The following FHOD3 variants were observed in gnomAD, a reference collection of about 807,000 sequenced individuals.
FHOD3 encodes the protein FH1/FH2 domain-containing protein 3.
Under a neutral mutation model 173.0 loss-of-function variants are expected in FHOD3, and 90 were observed. That is an observed-to-expected ratio of 0.52 (90% CI 0.44 to 0.62). The LOEUF (loss-of-function observed/expected upper bound fraction) is 0.62, where lower values mean the gene tolerates loss of function less well. Ranked by LOEUF, FHOD3 falls within the 20% of genes least tolerant of loss-of-function variation. FHOD3 has a pLI of 0.00. For missense variants in FHOD3, 1,945 were observed against 2,034.7 expected (o/e 0.96, Z 0.85); for synonymous variants, 828 against 823.0 (o/e 1.01, Z -0.10).
intron 19 of FHOD3, among the ~76,000 whole-genome samples, chr18:36,721,187 A>G (rs962043316): frequency 6.6e-6 from 1 of 152,218 alleles, no homozygotes; most frequent in African/African-American, 2.4e-5. Context: ...GCATAAGAGG[A>G]AAGTGGTATA....
chr18:36,592,261 G>A (rs1322037566), intron 6 of FHOD3, among the ~76,000 whole-genome samples: 1 of 152,234 alleles, frequency 6.6e-6, no homozygotes, highest in South Asian at 2.1e-4. Flanking sequence ...GTGACCAAGG[G>A]GCTCCTTTAA....
intron 3 of FHOD3, among the ~76,000 whole-genome samples, chr18:36,492,810 C>A (rs544374728): frequency 6.6e-6 from 1 of 152,300 alleles, no homozygotes; most frequent in East Asian, 1.9e-4. Flanking sequence ...ATGAGTCAGA[C>A]TTCTCAAAAG....
At chr18:36,459,530 C>T (rs1209532468) in intron 3 of FHOD3, among the ~76,000 whole-genome samples, 2 of 152,138 alleles carry the variant, frequency 1.3e-5, no homozygotes, top group African/African-American at 2.4e-5. Flanking sequence ...GAGGCCTTCA[C>T]AGACAGCCCT....
chr18:36,551,492 A>G (rs1407683383), intron 5 of FHOD3, among the ~76,000 whole-genome samples: 1 of 151,718 alleles, frequency 6.6e-6, no homozygotes, highest in Non-Finnish European at 1.5e-5. Context: ...TAATTTAATT[A>G]ATTGATTTAA....
At chr18:36,502,064 C>T in intron 4 of FHOD3, 65 bp downstream of exon 4, 1 of 1,034,510 alleles carries the variant, frequency 9.7e-7, no homozygotes, top group Non-Finnish European at 1.4e-6. Context: ...TACAGGCAAG[C>T]TTCTACCTGT....
At chr18:36,380,583 C>CTTTTCTTTTCTTTTCT (rs1568196309) in intron 3 of FHOD3, among the ~76,000 whole-genome samples, 1 of 81,362 alleles carries the variant, frequency 1.2e-5, no homozygotes, top group African/African-American at 5.9e-5. Flanking sequence ...TTTTCTTTTC[C>CTTTTCTTTTCTTTTCT]TTTCCTTTCC....
chr18:36,696,634 T>A (rs1262257254), intron 17 of FHOD3, among the ~76,000 whole-genome samples: 1 of 152,230 alleles, frequency 6.6e-6, no homozygotes, highest in Non-Finnish European at 1.5e-5. Context: ...GTATGAATGA[T>A]GCCCCTAATC....
chr18:36,758,276 A>C (rs899884197), intron 25 of FHOD3, among the ~76,000 whole-genome samples: 33 of 152,148 alleles, frequency 2.2e-4, no homozygotes, highest in African/African-American at 8.0e-4. Context: ...CTTCAATCTG[A>C]TTTGCTGGCC....
chr18:36,625,393 A>G (rs1018524998), intron 9 of FHOD3, 118 bp from the exon 10 acceptor site: 5 of 876,700 alleles, frequency 5.7e-6, no homozygotes, highest in Non-Finnish European at 8.0e-6. Context: ...TGAGGCGTGC[A>G]GTTTGCGAAG....
chr18:36,546,504 G>T lies in FHOD3; in HGVS notation c.512-29947G>T, dbSNP rs2057414834. On this transcript the variant is annotated intron_variant, in intron 5 of 28. Coordinates refer to ENST00000590592, the MANE Select transcript of FHOD3 (RefSeq NM_001281740.3). ...ATCTTAGCGGCATATTAATTTTTCA[G>T]GTGTTAATCTTTTGTTTTCTTCAGA... 1.3e-5 allele frequency among the ~76,000 whole-genome samples: 2 copies of T among 152,132 alleles called. 1 individual carries two copies. The highest frequency in any genetic ancestry group is 4.1e-4 in the South Asian group (2 of 4,826).
At chr18:36,610,945 C>A (rs2032613014) in intron 8 of FHOD3, among the ~76,000 whole-genome samples, 1 of 152,198 alleles carries the variant, frequency 6.6e-6, no homozygotes, top group Non-Finnish European at 1.5e-5. Context: ...TCTCTCCCTC[C>A]TGTATAAGAT....
At chr18:36,489,990 CG>C (rs2145748558) in intron 3 of FHOD3, among the ~76,000 whole-genome samples, 1 of 152,286 alleles carries the variant, frequency 6.6e-6, no homozygotes, top group East Asian at 1.9e-4. Flanking sequence ...CTGGCTGCCT[CG>C]GGGCAGTTGT....
rs35661851 is a variant in FHOD3 at position 36,298,759 on chromosome 18, G to GTT, written c.165+771_165+772dup. Among the ~76,000 whole-genome samples, 738 of 146,352 alleles carry GTT rather than the reference G, an allele frequency of 5.0e-3. 5 individuals are homozygous for GTT. The highest frequency in any genetic ancestry group is 0.018 in the African/African-American group (715 of 39,342). ...GCTGCTCAGTCTACCCGTTAGAGAG[G>GTT]TTTTTTTTTTTTTATTTGTTATTTT... On this transcript the variant is annotated intron_variant, in intron 1 of 28. Transcript: ENST00000590592.
chr18:36,307,339 A>G (rs1324697971), intron 1 of FHOD3, among the ~76,000 whole-genome samples: 1 of 152,114 alleles, frequency 6.6e-6, no homozygotes, highest in African/African-American at 2.4e-5. Context: ...ACAGATGGGG[A>G]TGGACATGGC....
intron 2 of FHOD3, among the ~76,000 whole-genome samples, chr18:36,362,236 T>C (rs550765900): frequency 6.6e-6 from 1 of 152,164 alleles, no homozygotes; most frequent in African/African-American, 2.4e-5. Flanking sequence ...AGTGGCCTAA[T>C]GAACCTAAAC....
At chr18:36,601,360 C>T (rs2031357329) in intron 7 of FHOD3, among the ~76,000 whole-genome samples, 1 of 152,152 alleles carries the variant, frequency 6.6e-6, no homozygotes, top group Non-Finnish European at 1.5e-5. Context: ...TTTGTTTAAT[C>T]CTCTTAAACA....
chr18:36,446,382 C>T (rs556668192), intron 3 of FHOD3, among the ~76,000 whole-genome samples: 2 of 151,878 alleles, frequency 1.3e-5, no homozygotes, highest in South Asian at 4.2e-4. Context: ...ATTAATTTCT[C>T]CTACTCAGCA....
At chr18:36,555,126 A>T (rs376067167) in intron 5 of FHOD3, among the ~76,000 whole-genome samples, 8 of 152,268 alleles carry the variant, frequency 5.3e-5, no homozygotes, top group African/African-American at 1.9e-4. Context: ...CTTAAAGTGG[A>T]AGCTGCGTTC....
chr18:36,336,572 C>T (rs1479916369), intron 1 of FHOD3, among the ~76,000 whole-genome samples: 1 of 152,044 alleles, frequency 6.6e-6, no homozygotes, highest in Non-Finnish European at 1.5e-5. Context: ...CGCAGTGGCT[C>T]AAGCCTGTAA....
Sources: gnomAD v4.1 joint callset for allele counts (sites outside exome capture counted in the v4.1 genomes callset) on GRCh38, gnomAD v4.1.1 for gene constraint, MANE v1.5 for transcripts, NCBI Gene and HGNC (gene_info 2026-07-23, HGNC 2026-07-21) for gene names.